Variants in FHAD1 observed in about 807,000 individuals in gnomAD.
FHAD1 encodes the protein forkhead-associated domain-containing protein 1.
Under a neutral mutation model 191.3 loss-of-function variants are expected in FHAD1, and 146 were observed. The observed-to-expected ratio is 0.76, with a 90% CI of 0.67 to 0.88. FHAD1 has a LOEUF of 0.88. Ranked by LOEUF, FHAD1 falls within the 40% of genes least tolerant of loss-of-function variation. The pLI is 0.00. For synonymous variants in FHAD1, 616 were observed against 672.3 expected (o/e 0.92, Z 1.29); for missense variants, 1,635 against 1,785.8 (o/e 0.92, Z 1.52).
At chr1:15,290,085 C>CAGAGGAGAGTGACACTTACCAGGA (rs1389269906) in intron 4 of FHAD1, among the ~76,000 whole-genome samples, 1 of 152,176 alleles carries the variant, frequency 6.6e-6, no homozygotes. Context: ...TTTTACAGGT[C>CAGAGGAGAGTGACACTTACCAGGA]AGAGGAGAGT....
At chr1:15,347,744 C>T (rs1003056189) in intron 18 of FHAD1, among the ~76,000 whole-genome samples, 4 of 152,228 alleles carry the variant, frequency 2.6e-5, no homozygotes, top group South Asian at 2.1e-4. Context: ...CCACCGCTCC[C>T]GGCCTGATTT....
At chr1:15,340,918 A>ATGCCT (rs1686368966) in intron 15 of FHAD1, among the ~76,000 whole-genome samples, 1 of 152,182 alleles carries the variant, frequency 6.6e-6, no homozygotes, top group African/African-American at 2.4e-5. Flanking sequence ...ACGGTGGCTC[A>ATGCCT]TGCCTGTAAT....
chr1:15,326,990 A>G (rs1678941194), intron 11 of FHAD1, 69 bp from the exon 12 acceptor site: 2 of 945,616 alleles, frequency 2.1e-6, no homozygotes, highest in African/African-American at 1.6e-5. Flanking sequence ...GCACCCTGCC[A>G]TGGAAACGCT....
chr1:15,293,587 AC>A (rs1665778046), intron 4 of FHAD1, among the ~76,000 whole-genome samples: 1 of 151,914 alleles, frequency 6.6e-6, no homozygotes, highest in Non-Finnish European at 1.5e-5. Flanking sequence ...GTGTGGTGGC[AC>A]GCACCTGTAA....
chr1:15,393,226 C>CGTG (rs1704717177), intron 33 of FHAD1: 1 of 152,204 alleles, frequency 6.6e-6, no homozygotes, highest in African/African-American at 2.4e-5. Context: ...AGGTATGCAC[C>CGTG]ACCACGCCCA....
intron 4 of FHAD1, among the ~76,000 whole-genome samples, chr1:15,294,040 A>G (rs899408292): frequency 6.6e-6 from 1 of 152,080 alleles, no homozygotes; most frequent in African/African-American, 2.4e-5. Context: ...CCAAACTTCC[A>G]CCGTGTTTCC....
chr1:15,388,821 G>A (rs923376468), intron 32 of FHAD1, among the ~76,000 whole-genome samples: 2 of 152,160 alleles, frequency 1.3e-5, no homozygotes, highest in African/African-American at 4.8e-5. Flanking sequence ...TAGAGGGGAC[G>A]GTGTGTGACG....
At position 15,355,208 on chromosome 1, in the gene FHAD1, C is replaced by CAA. The variant is rs58614945; in HGVS notation, c.2562+2238_2562+2239dup. ...TGGGCAATAGAGTGAGACTCCTTCT[C>CAA]AAAAAAAAAAAAAAAGAAAGTGGGG... On this transcript the variant is annotated intron_variant, in intron 20 of 33. Transcript: ENST00000688493. Among the ~76,000 whole-genome samples the CAA allele has an allele frequency of 1.1e-3, 106 of 100,660 alleles. 1 individual carries two copies. The highest frequency in any genetic ancestry group is 5.9e-3 in the Middle Eastern group (1 of 170). The allele number at this position is 100,660 out of a possible 152,430, so 66.0% of individuals were successfully genotyped here.
chr1:15,328,114 C>A, intron 12 of FHAD1, 163 bp from the exon 13 acceptor site: 1 of 435,410 alleles, frequency 2.3e-6, no homozygotes, highest in Non-Finnish European at 4.0e-6. Flanking sequence ...ACCAACGTCC[C>A]CCTTGACAGC....
At position 15,277,007 on chromosome 1, in the gene FHAD1, C is replaced by T. The variant is rs72863200; in HGVS notation, c.300+4478C>T. 8.5e-3 allele frequency among the ~76,000 whole-genome samples: 1,296 copies of T among 152,264 alleles called. 16 individuals carry two copies. Among genetic ancestry groups the T allele is most frequent in the African/African-American group, 0.028 (1,184 of 41,550 alleles). On this transcript the variant is annotated intron_variant, in intron 3 of 33. Coordinates refer to ENST00000688493, the MANE Select transcript of FHAD1 (RefSeq NM_001391957.1). ...AAGTCACAAAGTCAGATGTGCTTGC[C>T]GCGTTGTTTCTGCCATTATGATGTT...
At chr1:15,244,225 A>G (rs1645729559), upstream of FHAD1, among the ~76,000 whole-genome samples, 1 of 152,232 alleles carries the variant, frequency 6.6e-6, no homozygotes. The surrounding 1 kb of genome is among the most constrained non-coding windows in gnomAD (Gnocchi z 5.1). Context: ...AGAACTTTGC[A>G]CACCCTTGAG....
intron 33 of FHAD1, among the ~76,000 whole-genome samples, chr1:15,394,883 G>T (rs56843146): frequency 0.011 from 1,732 of 152,292 alleles, 35 homozygotes; most frequent in African/African-American, 0.039. Flanking sequence ...AAAGAAACTT[G>T]CAAGCCACAG....
rs935027246 is a variant in FHAD1 at position 15,390,079 on chromosome 1, C to T, written c.4270-1131C>T. Among the ~76,000 whole-genome samples the T allele has an allele frequency of 2.0e-5, 3 of 152,128 alleles. No homozygotes were observed. The East Asian group carries it at 5.8e-4, about 29-fold the overall frequency. ...AGGTGCTTTTGGCAGGGCATGGTGG[C>T]TCACGCCTGTAATTCCAGCACTTTG... On this transcript the variant is annotated intron_variant, in intron 32 of 33. Transcript: ENST00000688493.
At chr1:15,331,493 TGG>T in intron 14 of FHAD1, among the ~76,000 whole-genome samples, 1 of 105,192 alleles carries the variant, frequency 9.5e-6, no homozygotes, top group Non-Finnish European at 1.8e-5. Context: ...GATTGATGGA[TGG>T]ATGGATGGAT....
chr1:15,381,493 T>C lies in FHAD1; in HGVS notation c.4022+42T>C, dbSNP rs1176121971. The C allele has an allele frequency of 2.8e-6, 4 of 1,449,592 alleles. No homozygotes were observed. Among genetic ancestry groups the C allele is most frequent in the Middle Eastern group, 2.3e-4 (1 of 4,430 alleles). 89.8% of individuals were successfully genotyped at this position (1,449,592 alleles called of 1,614,324 possible). A position where few individuals can be genotyped will look rare whatever the true frequency, so the allele number is the denominator to read the frequency against. On this transcript the variant is annotated intron_variant, in intron 30 of 33. Coordinates refer to ENST00000688493, the MANE Select transcript of FHAD1 (RefSeq NM_001391957.1). This position sits in a 1 kb window ranked among gnomAD's most constrained non-coding sequence, Gnocchi z 4.6. ...ATGTCCCCACAGAAAGGCCCGGGCC[T>C]CCCTTCTCCTGGCTAAACTCAGGCT...
rs1365158514 is a variant in FHAD1 at position 15,365,827 on chromosome 1, A to C, written c.3048A>C (p.Ile1016=). The change falls in exon 24 of 34, where the codon ATA becomes ATC. Residue 1016 remains isoleucine (I), a splice_region_variant and synonymous_variant. Coordinates refer to ENST00000688493, the MANE Select transcript of FHAD1 (RefSeq NM_001391957.1). ...CTTCACCTGTTTTTGTGAATTTCAG[A>C]GATGACTTATTGGCTGCTCAGAAGG... The part of the protein sequence containing the change: ...SAKDMAYEHL[I]DDLLAAQKEI... 1.4e-5 allele frequency: 22 copies of C among 1,547,212 alleles called. No individual in the cohort carries two copies. The Admixed American group carries it at 4.1e-4, about 29-fold the overall frequency.
Position 15,358,211 on chromosome 1 carries a change from T to G in FHAD1, c.2664T>G (p.Ser888Arg). ...EETQKTKATESLKAESLALKL... is the reference protein window; with the variant it reads ...EETQKTKATERLKAESLALKL... ...CTCAGAAAACAAAGGCAACTGAAAG[T>G]CTAAAAGCAGAGAGCCTCGCCTTGA... The change falls in exon 21 of 34, where the codon AGT (serine) becomes AGG (arginine). Residue 888 changes from serine (S) to arginine (R), a missense_variant. Coordinates refer to ENST00000688493, the MANE Select transcript of FHAD1 (RefSeq NM_001391957.1). 3 of 1,541,506 alleles carry G rather than the reference T, an allele frequency of 1.9e-6. No homozygotes were observed. Among genetic ancestry groups the G allele is most frequent in the Non-Finnish European group, 2.6e-6 (3 of 1,144,886 alleles).
intron 3 of FHAD1, among the ~76,000 whole-genome samples, chr1:15,274,804 A>G (rs1657618196): frequency 6.6e-6 from 1 of 152,174 alleles, no homozygotes; most frequent in Non-Finnish European, 1.5e-5. Flanking sequence ...GCAGACAAGG[A>G]ATCTGAAACT....
intron 18 of FHAD1, among the ~76,000 whole-genome samples, chr1:15,346,012 G>T (rs182097737): frequency 6.3e-4 from 96 of 152,198 alleles, no homozygotes; most frequent in Non-Finnish European, 1.0e-3. Context: ...AAACTCTTAC[G>T]CCCCGGAGGA....
Sources: gnomAD v4.1 joint callset for allele counts (sites outside exome capture counted in the v4.1 genomes callset) on GRCh38, gnomAD v4.1.1 for gene constraint, Gnocchi (gnomAD v3.1) non-coding constraint, MANE v1.5 for transcripts, NCBI Gene and HGNC (gene_info 2026-07-23, HGNC 2026-07-21) for gene names.